PCDHA1: variants seen among roughly 807,000 people sequenced by gnomAD.
PCDHA1 encodes protocadherin alpha-1.
A neutral mutation model predicts 61.3 loss-of-function variants in PCDHA1; 42 were observed. That is an observed-to-expected ratio of 0.69 (90% CI 0.54 to 0.89). PCDHA1 has a LOEUF of 0.89. PCDHA1 is among the 40% of genes least tolerant of loss of function. The pLI, the probability that PCDHA1 is intolerant of heterozygous loss-of-function variation, is 0.00. For missense variants in PCDHA1, 1,256 were observed against 1,235.3 expected, an observed-to-expected ratio of 1.02 and a Z score of -0.25; for synonymous variants, 610 against 553.8, an observed-to-expected ratio of 1.10 and a Z score of -1.43.
intron 1 of PCDHA1, chr5:140,807,043 CCTT>C (rs1260892226): frequency 1.0e-6 from 1 of 988,186 alleles, no homozygotes; most frequent in Non-Finnish European, 1.5e-6. Flanking sequence ...AGGGAAAATT[CCTT>C]CTATTCTTAC....
At chr5:140,913,797 A>T (rs546197577) in intron 1 of PCDHA1, among the ~76,000 whole-genome samples, 1 of 152,210 alleles carries the variant, frequency 6.6e-6, no homozygotes, top group Admixed American at 6.5e-5. Context: ...ATTTGTTTGA[A>T]TCAAATTTTC....
At chr5:140,921,538 A>C (rs572073676) in intron 1 of PCDHA1, among the ~76,000 whole-genome samples, 2 of 152,344 alleles carry the variant, frequency 1.3e-5, no homozygotes, top group Admixed American at 6.5e-5. Flanking sequence ...CTGATAGAAC[A>C]TTCTGCAAAA....
intron 1 of PCDHA1, among the ~76,000 whole-genome samples, chr5:140,948,865 C>A (rs1358865868): frequency 1.3e-5 from 2 of 151,324 alleles, no homozygotes; most frequent in Non-Finnish European, 3.0e-5. Context: ...TATATTACTT[C>A]GGGTTTACTT....
Position 140,895,882 on chromosome 5 carries a change from G to C in PCDHA1, c.2395-83067G>C, listed in dbSNP as rs1014874596. Among the ~76,000 whole-genome samples the C allele has an allele frequency of 5.3e-5, 8 of 152,250 alleles. No individual in the cohort carries two copies. The East Asian group carries it at 9.6e-4, about 18-fold the overall frequency. On this transcript the variant is annotated intron_variant, in intron 1 of 3. Coordinates refer to ENST00000504120, the MANE Select transcript of PCDHA1 (RefSeq NM_018900.4). ...GCTGGAGTGCAATGGCGCGATCTCGGCTCACTGCAACCTCCGCGTCCCGGG... is the reference window on the plus strand; with the variant it reads ...GCTGGAGTGCAATGGCGCGATCTCGCCTCACTGCAACCTCCGCGTCCCGGG...
In PCDHA1 at chr5:140,886,699, G is replaced by A. The variant is rs540537249; in HGVS notation, c.2395-92250G>A. Among the ~76,000 whole-genome samples the A allele has an allele frequency of 7.8e-4, 119 of 151,966 alleles. 1 individual carries two copies. In the East Asian group the frequency reaches 0.01, roughly 13 times the overall value. ...AAATTAGCGAGGCATGGTGGCACGC[G>A]CCTGTAATCCCAGCTACTTGGGAGG... On this transcript the variant is annotated intron_variant, in intron 1 of 3. Transcript: ENST00000504120.
At chr5:140,975,206 T>G (rs2096657939) in intron 1 of PCDHA1, among the ~76,000 whole-genome samples, 1 of 152,232 alleles carries the variant, frequency 6.6e-6, no homozygotes, top group African/African-American at 2.4e-5. Context: ...TCTTCATGGC[T>G]GGCACTGGAG....
chr5:140,849,562 C>T, intron 1 of PCDHA1: 2 of 1,598,556 alleles, frequency 1.3e-6, no homozygotes, highest in Non-Finnish European at 1.7e-6. Context: ...AAAACGCTCT[C>T]GGTTCCTGTA....
At chr5:140,798,219 A>C (rs1762304205) in intron 1 of PCDHA1, among the ~76,000 whole-genome samples, 2 of 152,116 alleles carry the variant, frequency 1.3e-5, no homozygotes, top group Admixed American at 1.3e-4. Context: ...TTAACACCAG[A>C]ATTTCCAAAA....
At chr5:140,998,273 A>G (rs1448303020) in intron 3 of PCDHA1, among the ~76,000 whole-genome samples, 1 of 152,216 alleles carries the variant, frequency 6.6e-6, no homozygotes, top group East Asian at 1.9e-4. Context: ...ACTGACACCC[A>G]TAGGATTAAA....
chr5:140,852,115 C>A, intron 1 of PCDHA1: 1 of 906,762 alleles, frequency 1.1e-6, no homozygotes, highest in Non-Finnish European at 1.3e-6. Context: ...CAAGGTATGA[C>A]CTAATTAAAA....
chr5:140,821,024 G>T (rs1377305789), intron 1 of PCDHA1, among the ~76,000 whole-genome samples: 4 of 151,932 alleles, frequency 2.6e-5, no homozygotes, highest in Non-Finnish European at 4.4e-5. Flanking sequence ...TTGAAAATTA[G>T]AACTCCGAGA....
intron 1 of PCDHA1, chr5:140,870,016 G>T (rs1554163708): frequency 6.2e-7 from 1 of 1,613,566 alleles, no homozygotes; most frequent in African/African-American, 1.3e-5. Flanking sequence ...GAGGGTCAAT[G>T]GAACTTTAGA....
intron 1 of PCDHA1, among the ~76,000 whole-genome samples, chr5:140,955,964 A>G (rs148345661): frequency 5.3e-5 from 8 of 152,256 alleles, no homozygotes; most frequent in African/African-American, 1.7e-4. Flanking sequence ...TTGTTTGTGC[A>G]TAGGAATGCT....
At position 140,883,299 on chromosome 5, in the gene PCDHA1, A is replaced by G. The variant is rs200799645; in HGVS notation, c.2394+94615A>G. 1.4e-5 allele frequency: 22 copies of G among 1,614,110 alleles called. No homozygotes were observed. In the African/African-American group the frequency reaches 2.9e-4, roughly 22 times the overall value. On this transcript the variant is annotated intron_variant, in intron 1 of 3. Coordinates refer to ENST00000504120, the MANE Select transcript of PCDHA1 (RefSeq NM_018900.4). ...CTTTTGGTGGAAGTACTAGATGTAA[A>G]TGATAACGCCCCAGAGGTTACCATC...
At chr5:140,913,299 T>A (rs2076283233) in intron 1 of PCDHA1, among the ~76,000 whole-genome samples, 1 of 152,196 alleles carries the variant, frequency 6.6e-6, no homozygotes, top group South Asian at 2.1e-4. Context: ...AATTTCTTCA[T>A]AGATCAACCT....
At chr5:140,827,941 C>T in intron 1 of PCDHA1, 1 of 1,174,956 alleles carries the variant, frequency 8.5e-7, no homozygotes, top group Admixed American at 2.3e-5. Flanking sequence ...TATAGCTAGC[C>T]AACATTCAAA....
At chr5:140,982,337 A>T in intron 2 of PCDHA1, 138 bp from the exon 3 acceptor site, 1 of 1,455,066 alleles carries the variant, frequency 6.9e-7, no homozygotes, top group Non-Finnish European at 9.1e-7. Flanking sequence ...CTCAGCAGTA[A>T]TTGCTTCAGT....
At chr5:140,916,009 C>CA (rs541727470) in intron 1 of PCDHA1, among the ~76,000 whole-genome samples, 78 of 152,190 alleles carry the variant, frequency 5.1e-4, no homozygotes, top group Non-Finnish European at 9.6e-4. Flanking sequence ...AACCACAAGA[C>CA]AAAGTCTTTC....
At chr5:140,907,706 A>G (rs1171479205) in intron 1 of PCDHA1, among the ~76,000 whole-genome samples, 1 of 152,172 alleles carries the variant, frequency 6.6e-6, no homozygotes, top group Non-Finnish European at 1.5e-5. Flanking sequence ...CCTGTTGCTG[A>G]GCCCATGTGT....
Sources: gnomAD v4.1 joint callset for allele counts (sites outside exome capture counted in the v4.1 genomes callset) on GRCh38, gnomAD v4.1.1 for gene constraint, MANE v1.5 for transcripts, NCBI Gene and HGNC (gene_info 2026-07-23, HGNC 2026-07-21) for gene names.